PLPPR3: variants seen among roughly 807,000 people sequenced by gnomAD.
PLPPR3 encodes phospholipid phosphatase-related protein type 3.
A neutral mutation model predicts 27.3 loss-of-function variants in PLPPR3; 14 were observed. The ratio of observed to expected loss-of-function variants is 0.51; its 90% CI spans 0.34 to 0.80. The LOEUF is 0.80. PLPPR3 is among the 30% of genes least tolerant of loss of function. The probability of loss-of-function intolerance (pLI) is 0.01; values close to 1 mark genes in which losing one functional copy is unlikely to be tolerated. For missense variants in PLPPR3, 1,287 were observed against 1,056.9 expected, an observed-to-expected ratio of 1.22 and a Z score of -3.02; for synonymous variants, 671 against 508.0, an observed-to-expected ratio of 1.32 and a Z score of -4.32.
rs1243048473 is a variant in PLPPR3, at chr19:812,901, C to A, written c.1826G>T (p.Gly609Val). The A allele has an allele frequency of 7.8e-7, 1 of 1,279,740 alleles. No individual in the cohort carries two copies. Among genetic ancestry groups the A allele is most frequent in the Non-Finnish European group, 9.9e-7 (1 of 1,008,018 alleles). The allele number at this position is 1,279,740 out of a possible 1,614,324, so 79.3% of individuals were successfully genotyped here. Residue 609 changes from glycine to valine, a missense_variant, in exon 8 of 8, where the codon GGC (glycine) becomes GTC (valine). Physicochemically the swap from Gly to Val is moderately radical, Grantham distance 109 (BLOSUM62 -3). Coordinates refer to ENST00000520876, the MANE Select transcript of PLPPR3 (RefSeq NM_001270366.2). ...GAPWEWKAAG[G>V]GAKAEADGGY... is the part of the protein sequence containing the mutation. ...GCCGTCGGCCTCCGCCTTGGCCCCG[C>A]CGCCCGCCGCCTTCCACTCCCAGGG...
intron 2 of PLPPR3, among the ~76,000 whole-genome samples, chr19:820,335 C>T (rs1255515417): frequency 2.0e-5 from 3 of 151,964 alleles, no homozygotes; most frequent in African/African-American, 7.3e-5. Context: ...AGGCACGCAG[C>T]ACACGCCCAA....
intron 2 of PLPPR3, among the ~76,000 whole-genome samples, chr19:817,305 ACT>A (rs1199034290): frequency 6.8e-6 from 1 of 147,876 alleles, no homozygotes; most frequent in Non-Finnish European, 1.5e-5. Context: ...TTTTTCCCCC[ACT>A]CTGTCACGCA....
Position 815,830 on chromosome 19 carries a change from T to C in PLPPR3, c.97A>G (p.Ile33Val), listed in dbSNP as rs2035044206. The C allele has an allele frequency of 3.1e-6, 5 of 1,612,628 alleles. No homozygotes were observed. In the African/African-American group the frequency reaches 4.0e-5, roughly 13 times the overall value. ...FVELPIVASS[I>V]VSLYFLELTD... ...AGCTCCAGGAAGTACAAGGATACGATGGAAGAAGCCACTATGGGCAGCTGT... is the reference window on the plus strand; with the variant it reads ...AGCTCCAGGAAGTACAAGGATACGACGGAAGAAGCCACTATGGGCAGCTGT... Residue 33 changes from isoleucine to valine, a missense_variant, in exon 3 of 8, where the codon ATC (isoleucine) becomes GTC (valine). Transcript: ENST00000520876.
Position 812,541 on chromosome 19 carries a change from G to GGGGC in PLPPR3, c.*28_*29insGCCC. The GGGGC allele has an allele frequency of 1.6e-6, 1 of 617,394 alleles. No individual in the cohort carries two copies. The highest frequency in any genetic ancestry group is 2.0e-6 in the Non-Finnish European group (1 of 496,528). 38.2% of individuals were successfully genotyped at this position (617,394 alleles called of 1,614,324 possible). ...GCGCGGCCGCCCGCGCCCTCGGCCC[G>GGGGC]CCCCCCGCCCGCCCCCGGCCCCGCC... is the stretch of plus-strand genomic sequence containing the variant. On this transcript the variant is annotated 3_prime_UTR_variant, in exon 8 of 8. Transcript: ENST00000520876.
At chr19:821,804 G>C (rs1219684848) in intron 1 of PLPPR3, 111 bp downstream of exon 1, 1 of 353,884 alleles carries the variant, frequency 2.8e-6, no homozygotes, top group African/African-American at 2.2e-5. Flanking sequence ...AGGGCGGGGG[G>C]TCTCCGGGCG....
chr19:814,506 G>C lies in PLPPR3; in HGVS notation c.759C>G (p.Ile253Met). 6.2e-7 allele frequency: 1 copy of C among 1,611,090 alleles called. No homozygotes were observed. The highest frequency in any genetic ancestry group is 8.5e-7 in the Non-Finnish European group (1 of 1,179,894). ...IAAGVCGLTQ[I>M]TQYRSHPVDV... Reference sequence around the variant, plus strand: ...CCACAGGGTGGCTGCGGTACTGCGTGATCTGCGTGAGCCCGCATACGCCCG... The same window carrying C: ...CCACAGGGTGGCTGCGGTACTGCGTCATCTGCGTGAGCCCGCATACGCCCG... The change falls in exon 7 of 8, where the codon ATC becomes ATG. Residue 253 changes from isoleucine (I) to methionine (M), a missense_variant. Ile to Met is a conservative substitution (Grantham distance 10). Coordinates refer to ENST00000520876, the MANE Select transcript of PLPPR3 (RefSeq NM_001270366.2).
At chr19:821,407 GGTCCCC>G in intron 2 of PLPPR3, 72 bp downstream of exon 2, 1 of 1,330,070 alleles carries the variant, frequency 7.5e-7, no homozygotes, top group Non-Finnish European at 1.0e-6. Flanking sequence ...CGCCGGCTCC[GGTCCCC>G]CAGCGCGGGG....
Position 815,322 on chromosome 19 carries a change from C to A in PLPPR3, c.267G>T (p.Met89Ile), listed in dbSNP as rs2035034549. The A allele has an allele frequency of 6.5e-7, 1 of 1,540,766 alleles. No homozygotes were observed. ...GACAGTACAACATGCCCTCGGCCAC[C>A]ATGATCTGCCAACAGGGAGGGGGCG... ...LAFAAPAASI[M>I]VAEGMLYCLQ... Residue 89 changes from methionine to isoleucine, a missense_variant, in exon 4 of 8, where the codon ATG (methionine) becomes ATT (isoleucine). Transcript: ENST00000520876.
chr19:815,150 A>C lies in PLPPR3; in HGVS notation c.403+36T>G, dbSNP rs113219986. The C allele has an allele frequency of 1.7e-3, 2,800 of 1,601,478 alleles. 44 individuals are homozygous for C. In the African/African-American group the frequency reaches 0.032, roughly 18 times the overall value. On this transcript the variant is annotated intron_variant, in intron 4 of 7. Coordinates refer to ENST00000520876, the MANE Select transcript of PLPPR3 (RefSeq NM_001270366.2). ...GGACAGCCCCACCCCCTGCATGTGG[A>C]GGTAGCTCAGGGTCGGGGCGCGTCC...
chr19:821,732 G>C, intron 1 of PLPPR3, 147 bp from the exon 2 acceptor site: 2 of 417,572 alleles, frequency 4.8e-6, no homozygotes, highest in Non-Finnish European at 8.3e-6. Context: ...CCCCGGCCCA[G>C]CACGCGGCTT....
chr19:815,350 CA>C, intron 3 of PLPPR3, 23 bp from the exon 4 acceptor site: 6 of 1,522,826 alleles, frequency 3.9e-6, no homozygotes, highest in Non-Finnish European at 5.3e-6. Flanking sequence ...AGGGGGCGCT[CA>C]GGCCTCGGTG....
intron 2 of PLPPR3, among the ~76,000 whole-genome samples, chr19:820,510 A>G (rs114008961): frequency 0.013 from 1,840 of 139,204 alleles, 40 homozygotes; most frequent in African/African-American, 0.048. Flanking sequence ...TCCATTTATT[A>G]CATTTATTGT....
chr19:823,450 A>AAAAAAAAAAC (rs111454578), upstream of PLPPR3, among the ~76,000 whole-genome samples: 4 of 143,838 alleles, frequency 2.8e-5, no homozygotes, highest in South Asian at 2.2e-4. Context: ...TCAAAAAAAA[A>AAAAAAAAAAC]AAAAAAAACA....
chr19:815,407 A>C, intron 3 of PLPPR3, 80 bp from the exon 4 acceptor site: 4 of 1,395,606 alleles, frequency 2.9e-6, no homozygotes, highest in Non-Finnish European at 3.7e-6. Context: ...TGCAGTGCCC[A>C]CAGGCTGGCA....
intron 2 of PLPPR3, 130 bp downstream of exon 2, chr19:821,355 C>T (rs2035141285): frequency 5.8e-6 from 4 of 692,386 alleles, no homozygotes; most frequent in South Asian, 2.3e-5. Context: ...CCGCCGGACA[C>T]CCCGGTCCTG....
Position 812,567 on chromosome 19 carries a change from G to T in PLPPR3, c.*3C>A. 3.4e-6 allele frequency: 1 copy of T among 298,476 alleles called. No homozygotes were observed. Among genetic ancestry groups the T allele is most frequent in the Non-Finnish European group, 4.7e-6 (1 of 213,376 alleles). 18.5% of individuals were successfully genotyped at this position (298,476 alleles called of 1,614,324 possible). A position where few individuals can be genotyped will look rare whatever the true frequency, so the allele number is the denominator to read the frequency against. ...CCCCCCGCCCGCCCCCGGCCCCGCC[G>T]CGCTAGTCGGGGAAGCGGCGCGCCT... is the stretch of plus-strand genomic sequence containing the variant. On this transcript the variant is annotated 3_prime_UTR_variant, in exon 8 of 8. Coordinates refer to ENST00000520876, the MANE Select transcript of PLPPR3 (RefSeq NM_001270366.2).
rs760353869 is a variant in PLPPR3, at chr19:813,426, G to A, written c.1301C>T (p.Ala434Val). The part of the protein sequence containing the change: ...PDDASPGHLR[A>V]PAEPMAEEEE... ...CTCCTCCGCCATGGGTTCGGCGGGC[G>A]CGCGCAGGTGCCCGGGGCTGGCGTC... Residue 434 changes from alanine to valine, a missense_variant, in exon 8 of 8, where the codon GCG becomes GTG. Ala to Val is a moderately conservative substitution (Grantham distance 64). Transcript: ENST00000520876. This position sits in a 1 kb window ranked among gnomAD's most constrained non-coding sequence, Gnocchi z 4.1. 4.0e-6 allele frequency: 6 copies of A among 1,508,254 alleles called. No individual in the cohort carries two copies. The highest frequency in any genetic ancestry group is 4.4e-5 in the Admixed American group (2 of 45,062). The allele number at this position is 1,508,254 out of a possible 1,614,324, so 93.4% of individuals were successfully genotyped here.
At chr19:821,422 G>C in intron 2 of PLPPR3, 63 bp downstream of exon 2, 1 of 1,434,176 alleles carries the variant, frequency 7.0e-7, no homozygotes, top group South Asian at 1.3e-5. Flanking sequence ...CCCAGCGCGG[G>C]GGTCTCTGCG....
In PLPPR3 at chr19:813,319, G is replaced by T; in HGVS notation, c.1408C>A (p.Pro470Thr). 6.8e-7 allele frequency: 1 copy of T among 1,468,548 alleles called. No homozygotes were observed. Among genetic ancestry groups the T allele is most frequent in the Non-Finnish European group, 8.9e-7 (1 of 1,121,200 alleles). 91.0% of individuals were successfully genotyped at this position (1,468,548 alleles called of 1,614,324 possible). ...AGCCCCGGCCGCGCCTGCACGGTGG[G>T]GTAGAGCGAGGGCGGGGCCGGGCCC... ...DEGPAPPSLY[P>T]TVQARPGLGP... The change falls in exon 8 of 8, where the codon CCC (proline) becomes ACC (threonine). Residue 470 changes from proline to threonine, a missense_variant. By Grantham distance (38) the Pro-to-Thr change is conservative (BLOSUM62 -1). Coordinates refer to ENST00000520876, the MANE Select transcript of PLPPR3 (RefSeq NM_001270366.2). The surrounding 1 kb of genome is among the most constrained non-coding windows in gnomAD (Gnocchi z 4.1).
Sources: allele counts gnomAD v4.1 joint callset (sites outside exome capture counted in the v4.1 genomes callset), GRCh38; gene constraint gnomAD v4.1.1; non-coding constraint Gnocchi (gnomAD v3.1); transcripts MANE v1.5; gene names NCBI Gene and HGNC (gene_info 2026-07-23, HGNC 2026-07-21).